Variants in TCF7L2 observed in about 807,000 individuals in gnomAD.
TCF7L2 encodes the protein transcription factor 7-like 2.
Under a neutral mutation model 77.9 loss-of-function variants are expected in TCF7L2, and 23 were observed. The observed-to-expected ratio is 0.30, with a 90% confidence interval of 0.21 to 0.42. TCF7L2 has a LOEUF of 0.42. TCF7L2 is among the 10% of genes least tolerant of loss of function. The pLI is 1.00. For missense variants in TCF7L2, 654 were observed against 793.1 expected, an observed-to-expected ratio of 0.82 and a Z score of 2.11; for synonymous variants, 413 against 340.2, an observed-to-expected ratio of 1.21 and a Z score of -2.36.
intron 13 of TCF7L2, among the ~76,000 whole-genome samples, chr10:113,163,658 C>T (rs2073555395): frequency 6.6e-6 from 1 of 152,070 alleles, no homozygotes; most frequent in Admixed American, 6.5e-5. Context: ...TATTTACTCT[C>T]TCCCAGGGAG....
chr10:112,989,033 TG>T (rs2042070396), intron 4 of TCF7L2, among the ~76,000 whole-genome samples: 1 of 152,124 alleles, frequency 6.6e-6, no homozygotes, highest in Non-Finnish European at 1.5e-5. Context: ...TGTCATGCTC[TG>T]CGGTTGCTAT....
chr10:113,043,673 A>T (rs559907866), intron 5 of TCF7L2, among the ~76,000 whole-genome samples: 2 of 151,350 alleles, frequency 1.3e-5, no homozygotes, highest in South Asian at 4.2e-4. Flanking sequence ...GTTCCAAGAC[A>T]CCCCCACCCC....
chr10:113,117,367 C>T (rs981104683), intron 5 of TCF7L2, among the ~76,000 whole-genome samples: 637 of 4,130 alleles, frequency 0.15, 7 homozygotes, highest in African/African-American at 0.26. Context: ...AAGGGATTTT[C>T]TCTCTCTCTC....
chr10:113,032,556 A>G (rs73358281), intron 4 of TCF7L2, among the ~76,000 whole-genome samples: 6,036 of 152,288 alleles, frequency 0.04, 372 homozygotes, highest in African/African-American at 0.14. Flanking sequence ...TCCCTTCACC[A>G]TGTACTTTGA....
Position 112,977,196 on chromosome 10 carries a change from G to A in TCF7L2, c.450+12572G>A, listed in dbSNP as rs528529604. 1.2e-4 allele frequency among the ~76,000 whole-genome samples: 18 copies of A among 152,240 alleles called. No homozygotes were observed. The East Asian group carries it at 3.3e-3, about 28-fold the overall frequency. ...TTTTTGAGGTTGAGATGAAGCACCA[G>A]AATAAATAGCTTTGGTTGCAAACCA... On this transcript the variant is annotated intron_variant, in intron 4 of 13. Coordinates refer to ENST00000627217, the MANE Select transcript of TCF7L2 (RefSeq NM_001146274.2).
intron 5 of TCF7L2, among the ~76,000 whole-genome samples, chr10:113,113,832 G>A (rs1480644795): frequency 1.3e-5 from 2 of 152,038 alleles, no homozygotes; most frequent in Non-Finnish European, 2.9e-5. Context: ...GAATATTTGG[G>A]TCAGATGTTT....
intron 4 of TCF7L2, among the ~76,000 whole-genome samples, chr10:113,038,814 G>A (rs142848661): frequency 7.9e-5 from 12 of 152,160 alleles, no homozygotes; most frequent in Admixed American, 2.6e-4. Flanking sequence ...CCCCGAGAGC[G>A]GACATCTTTG....
intron 5 of TCF7L2, among the ~76,000 whole-genome samples, chr10:113,066,768 T>G (rs2057316927): frequency 6.6e-6 from 1 of 152,254 alleles, no homozygotes; most frequent in South Asian, 2.1e-4. Flanking sequence ...ATGAAGATTC[T>G]GCATATCTGT....
rs2137651243 is a variant in TCF7L2 at position 113,165,725 on chromosome 10, T to C, written c.1562T>C (p.Leu521Pro). ...CAGACCCAGCCTCTGTCGCTGTCCC[T>C]GAAGCCCGACCCCCTGGCCCACCTG... is the stretch of plus-strand genomic sequence containing the variant. The change falls in exon 14 of 14, where the codon CTG becomes CCG. Residue 521 changes from leucine (L) to proline (P), a missense_variant. By Grantham distance (98) the Leu-to-Pro change is moderately conservative. This residue lies in a region of TCF7L2 where 272 missense variants were observed against 215.4 expected (regional missense o/e 1.26). Coordinates refer to ENST00000627217, the MANE Select transcript of TCF7L2 (RefSeq NM_001146274.2). The C allele has an allele frequency of 3.2e-6, 5 of 1,574,964 alleles. No homozygotes were observed. The highest frequency in any genetic ancestry group is 1.7e-4 in the Middle Eastern group (1 of 5,852).
chr10:113,047,399 G>A lies in TCF7L2; in HGVS notation c.552+7273G>A, dbSNP rs181617910. Among the ~76,000 whole-genome samples the A allele has an allele frequency of 2.9e-3, 447 of 152,084 alleles. 3 individuals carry two copies. The highest frequency in any genetic ancestry group is 5.2e-3 in the Admixed American group (79 of 15,270). On this transcript the variant is annotated intron_variant, in intron 5 of 13. Coordinates refer to ENST00000627217, the MANE Select transcript of TCF7L2 (RefSeq NM_001146274.2). ...AGAGACATGCCCTTAACTCCACCCC[G>A]CCCTAGAACAGAGACCCAGCCCATC...
chr10:113,143,013 T>C (rs974715404), intron 6 of TCF7L2, among the ~76,000 whole-genome samples: 4 of 152,346 alleles, frequency 2.6e-5, no homozygotes, highest in Admixed American at 2.0e-4. Context: ...AATGAAGTCG[T>C]TTTCGTCCAC....
Position 113,151,273 on chromosome 10 carries a change from A to C in TCF7L2, c.1001+150A>C. 9.6e-7 allele frequency: 1 copy of C among 1,038,594 alleles called. No homozygotes were observed. The highest frequency in any genetic ancestry group is 1.4e-6 in the Non-Finnish European group (1 of 711,560). The allele number at this position is 1,038,594 out of a possible 1,614,324, so 64.3% of individuals were successfully genotyped here. On this transcript the variant is annotated intron_variant, in intron 9 of 13. Transcript: ENST00000627217. This position sits in a 1 kb window ranked among gnomAD's most constrained non-coding sequence, Gnocchi z 5.2. ...GCCTGTGTGGGCTCTTCACTCCCTT[A>C]CAAAGAGAGAGAGAGTGCACAGTGG...
intron 4 of TCF7L2, among the ~76,000 whole-genome samples, chr10:113,023,230 G>A (rs2048526050): frequency 6.6e-6 from 1 of 152,220 alleles, no homozygotes; most frequent in African/African-American, 2.4e-5. Flanking sequence ...TGCAAAGTGA[G>A]TTGGGCTGAA....
At chr10:113,063,893 C>CGT (rs34087825) in intron 5 of TCF7L2, among the ~76,000 whole-genome samples, 41,396 of 146,750 alleles carry the variant, frequency 0.28, 5,863 homozygotes, top group Admixed American at 0.41. Context: ...ATGGATGTGG[C>CGT]GTGTGTGTGT....
chr10:112,989,304 A>G (rs1439193492), intron 4 of TCF7L2, among the ~76,000 whole-genome samples: 2 of 151,570 alleles, frequency 1.3e-5, no homozygotes, highest in African/African-American at 4.9e-5. Context: ...TCGCAGCCTC[A>G]GGTCTGGCTT....
At chr10:113,081,211 G>T (rs995452076) in intron 5 of TCF7L2, among the ~76,000 whole-genome samples, 1 of 152,136 alleles carries the variant, frequency 6.6e-6, no homozygotes. Context: ...TTAAAGAGAG[G>T]ATTACCTAGT....
chr10:113,079,113 C>T (rs7069881), intron 5 of TCF7L2, among the ~76,000 whole-genome samples: 60,225 of 152,056 alleles, frequency 0.4, 13,433 homozygotes, highest in African/African-American at 0.59. Flanking sequence ...GGATTACAGG[C>T]GTGAGCCAGT....
chr10:113,160,837 T>G, intron 13 of TCF7L2: 1 of 779,178 alleles, frequency 1.3e-6, no homozygotes. Flanking sequence ...AAAATTTCCT[T>G]GCTAATTTTA....
intron 4 of TCF7L2, among the ~76,000 whole-genome samples, chr10:113,010,486 C>T (rs139606647): frequency 1.3e-5 from 2 of 152,280 alleles, no homozygotes; most frequent in Admixed American, 6.5e-5. Context: ...GTGCCGAACA[C>T]CCATGAAGCA....
Sources: allele counts gnomAD v4.1 joint callset (sites outside exome capture counted in the v4.1 genomes callset), GRCh38; gene constraint gnomAD v4.1.1; regional missense constraint gnomAD v4.1.1; non-coding constraint Gnocchi (gnomAD v3.1); transcripts MANE v1.5; gene names NCBI Gene and HGNC (gene_info 2026-07-23, HGNC 2026-07-21).